PXDNL: variants seen among roughly 807,000 people sequenced by gnomAD.
The protein encoded by PXDNL is probable oxidoreductase PXDNL.
In PXDNL, 145 loss-of-function variants were observed where a neutral mutation model predicts 150.8. The ratio of observed to expected loss-of-function variants is 0.96; its 90% CI spans 0.84 to 1.10. PXDNL has a LOEUF of 1.10. Ranked by LOEUF, PXDNL falls within the 50% of genes least tolerant of loss-of-function variation. The probability of loss-of-function intolerance (pLI) is 0.00; values close to 1 mark genes in which losing one functional copy is unlikely to be tolerated. For synonymous variants in PXDNL, 757 were observed against 725.7 expected (o/e 1.04, Z -0.69); for missense variants, 2,087 against 1,873.9 (o/e 1.11, Z -2.10).
At position 51,809,234 on chromosome 8, in the gene PXDNL, G is replaced by A. The variant is rs1232718696; in HGVS notation, c.111C>T (p.Cys37=). 1 of 1,613,116 alleles carries A rather than the reference G, an allele frequency of 6.2e-7. No individual in the cohort carries two copies. The change falls in exon 1 of 23, where the codon TGC becomes TGT. Residue 37 remains cysteine (C), a synonymous_variant. Coordinates refer to ENST00000356297, the MANE Select transcript of PXDNL (RefSeq NM_144651.5). ...RCLCFKSTVR[C]MHLMLDHIPQ... is the part of the protein sequence containing the mutation. ...GAATGTGGTCCAGCATCAAGTGCATGCAGCGGACGGTGCTCTTAAAGCAAA... is the reference window on the plus strand; with the variant it reads ...GAATGTGGTCCAGCATCAAGTGCATACAGCGGACGGTGCTCTTAAAGCAAA...
intron 1 of PXDNL, among the ~76,000 whole-genome samples, chr8:51,697,856 C>A (rs1816178731): frequency 6.6e-6 from 1 of 152,136 alleles, no homozygotes; most frequent in South Asian, 2.1e-4. Flanking sequence ...GGGTTCCATT[C>A]CAGGCCAACT....
At chr8:51,336,848 G>A (rs756334088) in intron 21 of PXDNL, among the ~76,000 whole-genome samples, 1 of 152,142 alleles carries the variant, frequency 6.6e-6, no homozygotes, top group Non-Finnish European at 1.5e-5. Context: ...GTCATAGCTT[G>A]AGTAAGTCTC....
intron 2 of PXDNL, among the ~76,000 whole-genome samples, chr8:51,638,520 TAGAAAACGAAAAAA>T (rs2130771102): frequency 4.1e-4 from 62 of 151,604 alleles, no homozygotes; most frequent in African/African-American, 1.7e-4. Context: ...ACCAAGCAAA[TAGAAAACGAAAAAA>T]GGCAGGGGTT....
At chr8:51,399,309 G>C (rs1808177682) in intron 17 of PXDNL, among the ~76,000 whole-genome samples, 1 of 152,162 alleles carries the variant, frequency 6.6e-6, no homozygotes, top group African/African-American at 2.4e-5. Flanking sequence ...ATTCAGAAGA[G>C]ATAAATACGG....
chr8:51,378,706 C>T (rs1240269609), intron 17 of PXDNL, among the ~76,000 whole-genome samples: 1 of 149,422 alleles, frequency 6.7e-6, no homozygotes, highest in African/African-American at 2.6e-5. Flanking sequence ...GCCAGCAAGA[C>T]CAGGATCCCA....
chr8:51,502,646 T>C (rs1477624396), intron 4 of PXDNL, among the ~76,000 whole-genome samples: 1 of 150,834 alleles, frequency 6.6e-6, no homozygotes, highest in Non-Finnish European at 1.5e-5. Flanking sequence ...TTCTAGCTTA[T>C]GTATAAGCCC....
intron 14 of PXDNL, among the ~76,000 whole-genome samples, chr8:51,417,412 A>G (rs150050150): frequency 6.6e-6 from 1 of 152,310 alleles, no homozygotes; most frequent in African/African-American, 2.4e-5. Flanking sequence ...CCTTTCAGAA[A>G]AGGGGGAGCT....
chr8:51,360,651 C>A (rs1275692625), intron 19 of PXDNL, among the ~76,000 whole-genome samples: 1 of 152,212 alleles, frequency 6.6e-6, no homozygotes, highest in African/African-American at 2.4e-5. Context: ...TAAGTTCAGC[C>A]TAAATGTTTT....
chr8:51,443,455 T>C (rs1009018043), intron 12 of PXDNL, among the ~76,000 whole-genome samples: 1 of 152,112 alleles, frequency 6.6e-6, no homozygotes, highest in Admixed American at 6.6e-5. Context: ...TGGCACCCAA[T>C]CATTTTGGCC....
rs1162534539 is a variant in PXDNL, at chr8:51,408,391, T to A, written c.3233A>T (p.His1078Leu). 1 of 1,613,894 alleles carries A rather than the reference T, an allele frequency of 6.2e-7. No individual in the cohort carries two copies. The highest frequency in any genetic ancestry group is 8.5e-7 in the Non-Finnish European group (1 of 1,179,900). ...NATLGEISEGHLPFHKALFSP... is the reference protein window; with the variant it reads ...NATLGEISEGLLPFHKALFSP... Reference sequence around the variant, plus strand: ...AAAGAGCGCTTTATGGAACGGAAGGTGGCCTTCGGAAATTTCACCTAAGGT... The same window carrying A: ...AAAGAGCGCTTTATGGAACGGAAGGAGGCCTTCGGAAATTTCACCTAAGGT... Residue 1078 changes from histidine to leucine, a missense_variant, in exon 17 of 23, where the codon CAC (histidine) becomes CTC (leucine). Physicochemically the swap from His to Leu is moderately conservative, Grantham distance 99 (BLOSUM62 -3). Coordinates refer to ENST00000356297, the MANE Select transcript of PXDNL (RefSeq NM_144651.5).
At chr8:51,581,585 C>T (rs540203650) in intron 3 of PXDNL, among the ~76,000 whole-genome samples, 7 of 151,964 alleles carry the variant, frequency 4.6e-5, no homozygotes, top group East Asian at 1.9e-4. Flanking sequence ...AAGTTATCTT[C>T]GTGAGAAATT....
Position 51,744,055 on chromosome 8 carries a change from AAGGAAG to A in PXDNL, c.164+65120_164+65125del, listed in dbSNP as rs1563307047. ...GAAGGAAGGAAGGAAGGAAGGAAGGAAGGAAGGAAGGAAGGAAGGAAGGAAGGAAGG... is the reference window on the plus strand; with the variant it reads ...GAAGGAAGGAAGGAAGGAAGGAAGGAGAAGGAAGGAAGGAAGGAAGGAAGG... On this transcript the variant is annotated intron_variant, in intron 1 of 22. Coordinates refer to ENST00000356297, the MANE Select transcript of PXDNL (RefSeq NM_144651.5). Among the ~76,000 whole-genome samples the A allele has an allele frequency of 1.1e-3, 63 of 59,132 alleles. 1 individual carries two copies. The highest frequency in any genetic ancestry group is 2.1e-3 in the Non-Finnish European group (53 of 25,012). 38.8% of individuals were successfully genotyped at this position (59,132 alleles called of 152,430 possible). A position where few individuals can be genotyped will look rare whatever the true frequency, so the allele number is the denominator to read the frequency against.
chr8:51,652,068 T>C (rs1260413010), intron 2 of PXDNL, among the ~76,000 whole-genome samples: 1 of 152,206 alleles, frequency 6.6e-6, no homozygotes, highest in East Asian at 1.9e-4. Flanking sequence ...TGGTTGGCAT[T>C]TTTTTAAATT....
chr8:51,363,310 G>A (rs1806811308), intron 19 of PXDNL, among the ~76,000 whole-genome samples: 1 of 151,618 alleles, frequency 6.6e-6, no homozygotes, highest in South Asian at 2.1e-4. Flanking sequence ...TGAAGGTACT[G>A]TAACAGGACA....
intron 3 of PXDNL, among the ~76,000 whole-genome samples, chr8:51,563,043 C>A (rs1173396845): frequency 6.6e-6 from 1 of 151,878 alleles, no homozygotes; most frequent in African/African-American, 2.4e-5. Flanking sequence ...TGCTCAAGGA[C>A]TACCTAGACT....
chr8:51,409,644 C>G, intron 16 of PXDNL, 83 bp from the exon 17 acceptor site: 1 of 1,171,698 alleles, frequency 8.5e-7, no homozygotes, highest in South Asian at 1.6e-5. Flanking sequence ...CTGCGGGAAC[C>G]ACCTCCCACC....
At chr8:51,406,066 G>A (rs537349914) in intron 17 of PXDNL, among the ~76,000 whole-genome samples, 1 of 152,364 alleles carries the variant, frequency 6.6e-6, no homozygotes, top group East Asian at 1.9e-4. Context: ...AGGATGGACA[G>A]TGGCCGACAG....
intron 1 of PXDNL, among the ~76,000 whole-genome samples, chr8:51,794,613 G>A (rs1399414595): frequency 6.6e-6 from 1 of 151,874 alleles, no homozygotes; most frequent in Non-Finnish European, 1.5e-5. Flanking sequence ...CAAATTCTGA[G>A]GGAATTCATC....
chr8:51,369,979 G>A (rs1807048814), intron 19 of PXDNL, among the ~76,000 whole-genome samples: 1 of 152,202 alleles, frequency 6.6e-6, no homozygotes, highest in Admixed American at 6.5e-5. Flanking sequence ...TGCCCTTGGT[G>A]GGGGCCTGCT....
Sources: gnomAD v4.1 joint callset for allele counts (sites outside exome capture counted in the v4.1 genomes callset) on GRCh38, gnomAD v4.1.1 for gene constraint, MANE v1.5 for transcripts, NCBI Gene and HGNC (gene_info 2026-07-23, HGNC 2026-07-21) for gene names.